Variants in PTPRJ observed in about 807,000 individuals in gnomAD.
The protein encoded by PTPRJ is protein tyrosine phosphatase receptor type J, also known as receptor-type tyrosine-protein phosphatase eta.
A neutral mutation model predicts 141.3 loss-of-function variants in PTPRJ; 129 were observed. That is an observed-to-expected ratio of 0.91 (90% CI 0.79 to 1.06). The LOEUF (loss-of-function observed/expected upper bound fraction) is 1.06. Among genes scored for constraint, PTPRJ ranks in the 50% least tolerant of loss-of-function variants. The probability of loss-of-function intolerance (pLI) is 0.00; values close to 1 mark genes in which losing one functional copy is unlikely to be tolerated. For missense variants in PTPRJ, 1,601 were observed against 1,679.7 expected (o/e 0.95, Z 0.82); for synonymous variants, 610 against 640.5 (o/e 0.95, Z 0.72).
intron 1 of PTPRJ, among the ~76,000 whole-genome samples, chr11:48,101,604 G>T (rs1482559261): frequency 1.3e-5 from 2 of 152,218 alleles, no homozygotes; most frequent in Non-Finnish European, 2.9e-5. Flanking sequence ...CTCTGGGAGG[G>T]ATGTGGAGCC....
At chr11:48,124,007 T>G (rs1424787336) in intron 5 of PTPRJ, 137 bp downstream of exon 5, 4 of 1,021,660 alleles carry the variant, frequency 3.9e-6, no homozygotes, top group Non-Finnish European at 5.6e-6. Context: ...CATTTTAGTT[T>G]GATCCCCCAC....
chr11:48,165,359 A>T (rs1857893587), intron 24 of PTPRJ, among the ~76,000 whole-genome samples: 2 of 152,208 alleles, frequency 1.3e-5, no homozygotes, highest in South Asian at 4.1e-4. Context: ...GGAGAAAAGG[A>T]ACACTTAATA....
intron 15 of PTPRJ, 136 bp from the exon 16 acceptor site, chr11:48,149,311 T>C: frequency 4.5e-6 from 3 of 670,558 alleles, no homozygotes; most frequent in Non-Finnish European, 7.9e-6. Flanking sequence ...CAGGATTTGG[T>C]GTCAGCTGTG....
intron 1 of PTPRJ, among the ~76,000 whole-genome samples, chr11:48,085,545 A>G (rs1156465124): frequency 2.6e-5 from 4 of 152,076 alleles, no homozygotes; most frequent in Non-Finnish European, 5.9e-5. Flanking sequence ...GGGTTTCACC[A>G]TGTTGGCCAG....
intron 3 of PTPRJ, 62 bp downstream of exon 3, chr11:48,113,045 T>C: frequency 7.2e-7 from 1 of 1,389,854 alleles, no homozygotes; most frequent in Non-Finnish European, 9.9e-7. Flanking sequence ...TTTATAAATG[T>C]CATGTTTTCC....
rs1234173401 is a variant in PTPRJ at position 48,167,291 on chromosome 11, A to G, written c.3943A>G (p.Thr1315Ala). ...SKVDLIYQNTTAMTIYENLAP... is the reference protein window; with the variant it reads ...SKVDLIYQNTAAMTIYENLAP... ...AGTAGATCTTATCTACCAGAACACA[A>G]CTGCAATGACAATCTATGAAAACCT... Residue 1315 changes from threonine to alanine, a missense_variant, in exon 25 of 25, where the codon ACT (threonine) becomes GCT (alanine). Thr to Ala is a moderately conservative substitution (Grantham distance 58). Coordinates refer to ENST00000418331, the MANE Select transcript of PTPRJ (RefSeq NM_002843.4). The G allele has an allele frequency of 6.2e-6, 10 of 1,613,714 alleles. No homozygotes were observed. Among genetic ancestry groups the G allele is most frequent in the Non-Finnish European group, 7.6e-6 (9 of 1,179,712 alleles).
chr11:48,156,219 T>C, intron 21 of PTPRJ, 100 bp downstream of exon 21: 27 of 1,041,508 alleles, frequency 2.6e-5, no homozygotes, highest in Non-Finnish European at 3.7e-5. Flanking sequence ...TTAAAAAAAC[T>C]CAAACATTAG....
intron 1 of PTPRJ, among the ~76,000 whole-genome samples, chr11:47,988,876 C>CTTTTTTT (rs1854116991): frequency 9.3e-6 from 1 of 107,802 alleles, no homozygotes; most frequent in African/African-American, 4.4e-5. Flanking sequence ...AAAATTGTAT[C>CTTTTTTT]TTGTTTTTTT....
intron 1 of PTPRJ, among the ~76,000 whole-genome samples, chr11:48,083,749 A>G (rs1855626197): frequency 6.6e-6 from 1 of 152,186 alleles, no homozygotes; most frequent in Non-Finnish European, 1.5e-5. Flanking sequence ...CCCAGTAAAT[A>G]TTTGTGGAAT....
chr11:48,113,480 G>T lies in PTPRJ; in HGVS notation c.352+497G>T, dbSNP rs151221874. On this transcript the variant is annotated intron_variant, in intron 3 of 24. Coordinates refer to ENST00000418331, the MANE Select transcript of PTPRJ (RefSeq NM_002843.4). ...TTGTAAGTAAAGTTTTATTGAGTCT[G>T]CCTATGGCTGCTTTCATGCTAGAAT... Among the ~76,000 whole-genome samples, 661 of 152,270 alleles carry T rather than the reference G, an allele frequency of 4.3e-3. 5 individuals are homozygous for T. Among genetic ancestry groups the T allele is most frequent in the African/African-American group, 0.015 (635 of 41,536 alleles).
intron 1 of PTPRJ, among the ~76,000 whole-genome samples, chr11:48,089,515 CAAA>C (rs56252336): frequency 0.048 from 5,536 of 116,536 alleles, 273 homozygotes; most frequent in African/African-American, 0.15. Flanking sequence ...GACTCCATCT[CAAA>C]AAAAAAAAAA....
At chr11:48,044,990 C>T (rs1158877077) in intron 1 of PTPRJ, 1 of 152,218 alleles carries the variant, frequency 6.6e-6, no homozygotes, top group African/African-American at 2.4e-5. Flanking sequence ...CCTTTTTTCT[C>T]CTCCCTGGGT....
At chr11:48,058,356 C>T (rs1854817277) in intron 1 of PTPRJ, among the ~76,000 whole-genome samples, 1 of 152,080 alleles carries the variant, frequency 6.6e-6, no homozygotes, top group Non-Finnish European at 1.5e-5. Flanking sequence ...AGATGTGTAC[C>T]ATCACACTCA....
chr11:48,006,430 G>T (rs1195062663), intron 1 of PTPRJ, among the ~76,000 whole-genome samples: 1 of 152,234 alleles, frequency 6.6e-6, no homozygotes, highest in Admixed American at 6.5e-5. Context: ...GGAGGAAGTA[G>T]CCTGGTCATC....
intron 15 of PTPRJ, among the ~76,000 whole-genome samples, chr11:48,149,085 A>G (rs1293238229): frequency 6.6e-6 from 1 of 152,232 alleles, no homozygotes; most frequent in Non-Finnish European, 1.5e-5. Context: ...GGTTTATTGC[A>G]TTCATTTATC....
chr11:47,981,725 C>T (rs1403909268), intron 1 of PTPRJ, among the ~76,000 whole-genome samples: 4 of 152,200 alleles, frequency 2.6e-5, no homozygotes, highest in Non-Finnish European at 5.9e-5. Flanking sequence ...AATGCTGTCC[C>T]TGGCGTTTTG....
At chr11:48,094,374 G>A (rs1855949693) in intron 1 of PTPRJ, among the ~76,000 whole-genome samples, 1 of 152,166 alleles carries the variant, frequency 6.6e-6, no homozygotes, top group Non-Finnish European at 1.5e-5. Flanking sequence ...AGCTAACCAA[G>A]TACCATAATG....
intron 5 of PTPRJ, among the ~76,000 whole-genome samples, chr11:48,124,175 C>T (rs1316180968): frequency 6.6e-6 from 1 of 152,156 alleles, no homozygotes; most frequent in African/African-American, 2.4e-5. Flanking sequence ...CCAAGTTGGG[C>T]CTTCAGAGGA....
rs1442213658 is a variant in PTPRJ, at chr11:48,136,191, G to A, written c.1768G>A (p.Ala590Thr). Residue 590 changes from alanine (A) to threonine (T), a missense_variant, in exon 9 of 25, where the codon GCG (alanine) becomes ACG (threonine). By Grantham distance (58) the Ala-to-Thr change is moderately conservative. Transcript: ENST00000418331. ...GSNHTSTYDKAITLQGLIPGT... is the reference protein window; with the variant it reads ...GSNHTSTYDKTITLQGLIPGT... ...TAACCACACAAGCACGTATGACAAA[G>A]CGATTACTCTCCAGGGCCTGATTCC... 6 of 1,614,196 alleles carry A rather than the reference G, an allele frequency of 3.7e-6. No homozygotes were observed. Among genetic ancestry groups the A allele is most frequent in the Non-Finnish European group, 4.2e-6 (5 of 1,180,036 alleles).
Sources: gnomAD v4.1 joint callset for allele counts (sites outside exome capture counted in the v4.1 genomes callset) on GRCh38, gnomAD v4.1.1 for gene constraint, MANE v1.5 for transcripts, NCBI Gene and HGNC (gene_info 2026-07-23, HGNC 2026-07-21) for gene names.